CARD10: variants seen among roughly 807,000 people sequenced by gnomAD.
The protein encoded by CARD10 is caspase recruitment domain-containing protein 10.
In CARD10, 49 loss-of-function variants were observed where a neutral mutation model predicts 114.6. The observed-to-expected ratio is 0.43, with a 90% CI of 0.34 to 0.54. The LOEUF (loss-of-function observed/expected upper bound fraction) is 0.54, where lower values mean the gene tolerates loss of function less well. Among genes scored for constraint, CARD10 ranks in the 20% least tolerant of loss-of-function variants. CARD10 has a pLI of 0.03. For missense variants in CARD10, 1,206 were observed against 1,397.2 expected, an observed-to-expected ratio of 0.86 and a Z score of 2.18; for synonymous variants, 602 against 593.2, an observed-to-expected ratio of 1.01 and a Z score of -0.21.
rs942982585 is a variant in CARD10, at chr22:37,497,053, G to A, written c.1913C>T (p.Ser638Phe). 3 of 1,613,920 alleles carry A rather than the reference G, an allele frequency of 1.9e-6. No individual in the cohort carries two copies. Among genetic ancestry groups the A allele is most frequent in the African/African-American group, 2.7e-5 (2 of 74,926 alleles). Residue 638 changes from serine to phenylalanine, a missense_variant, in exon 12 of 20, where the codon TCT becomes TTT. Ser to Phe is a radical substitution (Grantham distance 155, BLOSUM62 -2). Coordinates refer to ENST00000251973, the MANE Select transcript of CARD10 (RefSeq NM_014550.4). ...WSGAVVRRVL[S>F]GPGSARMEPR... is the part of the protein sequence containing the mutation. ...TTCCATCCTGGCGGACCCAGGCCCA[G>A]ACAGCACCCTGCGCACCACAGCCCC... is the stretch of plus-strand genomic sequence containing the variant.
At position 37,492,612 on chromosome 22, in the gene CARD10, C is replaced by A. The variant is rs1218804407; in HGVS notation, c.2635+32G>T. The A allele has an allele frequency of 2.5e-6, 4 of 1,609,942 alleles. No homozygotes were observed. The South Asian group carries it at 4.4e-5, about 18-fold the overall frequency. On this transcript the variant is annotated intron_variant, in intron 17 of 19. Coordinates refer to ENST00000251973, the MANE Select transcript of CARD10 (RefSeq NM_014550.4). The surrounding 1 kb of genome is among the most constrained non-coding windows in gnomAD (Gnocchi z 5.7). ...ATGGGCCCGGCTGCCCAGAGGGGCACCCAGCCTCCCCTCCCCGGCACATAG... is the reference window on the plus strand; with the variant it reads ...ATGGGCCCGGCTGCCCAGAGGGGCAACCAGCCTCCCCTCCCCGGCACATAG...
rs9610775 is a variant in CARD10, at chr22:37,510,255, C to T, written c.866G>A (p.Arg289Gln). Residue 289 changes from arginine (R) to glutamine (Q), a missense_variant, in exon 4 of 20, where the codon CGG becomes CAG. By Grantham distance (43) the Arg-to-Gln change is conservative (BLOSUM62 1). Around this residue, in one of 2 missense-constraint regions of CARD10, gnomAD observed 1,068 missense variants for 1,179.1 expected, o/e 0.91. Coordinates refer to ENST00000251973, the MANE Select transcript of CARD10 (RefSeq NM_014550.4). ...CAACTCCCGCAGTGACGCCGTCAGC[C>T]GCTGGTTCTCAGCACGCAGCTCAGA... Reference protein sequence around the residue: ...LVSELRAENQRLTASLRELQE... With the variant: ...LVSELRAENQQLTASLRELQE... 300,599 of 1,603,122 alleles carry T rather than the reference C, an allele frequency of 0.19. 29,101 individuals carry two copies. Among genetic ancestry groups the T allele is most frequent in the African/African-American group, 0.25 (18,484 of 74,962 alleles).
rs1170397762 is a variant in CARD10 at position 37,511,445 on chromosome 22, AAGG to A, written c.700-1027_700-1025del. Among the ~76,000 whole-genome samples, 23 of 135,258 alleles carry A rather than the reference AAGG, an allele frequency of 1.7e-4. No homozygotes were observed. The South Asian group carries it at 5.7e-3, about 33-fold the overall frequency. 88.7% of individuals were successfully genotyped at this position (135,258 alleles called of 152,430 possible). ...AGGGAGGGGGAAGAGGTAGAAGGAG[AAGG>A]AGGAGGAGGAGAAGGAGAAGGAGGA... On this transcript the variant is annotated intron_variant, in intron 3 of 19. Transcript: ENST00000251973.
Position 37,497,015 on chromosome 22 carries a change from T to C in CARD10, c.1947+4A>G, listed in dbSNP as rs200385900. The C allele has an allele frequency of 8.7e-6, 14 of 1,608,072 alleles. No individual in the cohort carries two copies. The highest frequency in any genetic ancestry group is 3.3e-4 in the Middle Eastern group (2 of 6,026). On this transcript the variant is annotated splice_donor_region_variant and intron_variant, in intron 12 of 19. Transcript: ENST00000251973. ...CCCCCCCAGCTCAGGAGGCAGGGCCTCACCTCTCTTGGTTCCATCCTGGCG... is the reference window on the plus strand; with the variant it reads ...CCCCCCCAGCTCAGGAGGCAGGGCCCCACCTCTCTTGGTTCCATCCTGGCG...
rs1923265363 is a variant in CARD10, at chr22:37,502,815, G to C, written c.1664-90C>G. The C allele has an allele frequency of 2.0e-6, 3 of 1,469,804 alleles. No homozygotes were observed. In the Admixed American group the frequency reaches 6.8e-5, roughly 33 times the overall value. 91.0% of individuals were successfully genotyped at this position (1,469,804 alleles called of 1,614,324 possible). On this transcript the variant is annotated intron_variant, in intron 10 of 19. Coordinates refer to ENST00000251973, the MANE Select transcript of CARD10 (RefSeq NM_014550.4). The stretch of plus-strand genomic sequence containing the variant: ...CAGGGACTGACCCCCCTCCAGCCCA[G>C]AGAGGCCTTGGCAGGTTTGAGGCCC...
rs1402201286 is a variant in CARD10, at chr22:37,496,572, C to A, written c.1948-12G>T. 3 of 1,598,732 alleles carry A rather than the reference C, an allele frequency of 1.9e-6. No individual in the cohort carries two copies. In the African/African-American group the frequency reaches 4.0e-5, roughly 21 times the overall value. ...GCTTCCACCCTTTGCTGGGAGAAAA[C>A]CCAGGCAGGGAGGGAAAGAAGTGAG... On this transcript the variant is annotated splice_polypyrimidine_tract_variant and intron_variant, in intron 12 of 19. Coordinates refer to ENST00000251973, the MANE Select transcript of CARD10 (RefSeq NM_014550.4). The surrounding 1 kb of genome is among the most constrained non-coding windows in gnomAD (Gnocchi z 4.1).
chr22:37,493,939 C>A (rs1203796357), intron 16 of CARD10, 147 bp downstream of exon 16: 3 of 690,878 alleles, frequency 4.3e-6, no homozygotes, highest in East Asian at 5.4e-5. Context: ...GTCTCTCAGG[C>A]CCCCAGCATG....
At position 37,510,326 on chromosome 22, in the gene CARD10, CT is replaced by C; in HGVS notation, c.794del (p.Glu265GlyfsTer26). The C allele has an allele frequency of 6.2e-7, 1 of 1,610,568 alleles. No homozygotes were observed. Among genetic ancestry groups the C allele is most frequent in the Non-Finnish European group, 8.5e-7 (1 of 1,179,294 alleles). On this transcript the variant is annotated frameshift_variant, in exon 4 of 20. Coordinates refer to ENST00000251973, the MANE Select transcript of CARD10 (RefSeq NM_014550.4). LOFTEE classifies it high-confidence loss of function. ...RGPPPGAEEKEKEKEKEKEPD... is the reference protein window; with the variant it reads ...RGPPPGAEEKXKEKEKEKEPD... ...GCTCCTTCTCCTTCTCCTTCTCCTT[CT>C]CCTTCTCCTCTGCCCCAGGGGGCGG...
chr22:37,508,330 C>G (rs765465170), intron 5 of CARD10, among the ~76,000 whole-genome samples, 197 bp downstream of exon 5: 58 of 151,962 alleles, frequency 3.8e-4, no homozygotes, highest in Middle Eastern at 3.4e-3. Context: ...AGTTCCCCCT[C>G]AAGGAAAAGG....
intron 3 of CARD10, among the ~76,000 whole-genome samples, chr22:37,515,623 C>A (rs959151793): frequency 6.6e-6 from 1 of 152,026 alleles, no homozygotes; most frequent in Admixed American, 6.5e-5. Context: ...TTCTTGGCCC[C>A]GGCCCTACCG....
intron 11 of CARD10, among the ~76,000 whole-genome samples, chr22:37,498,884 C>T (rs1191010894): frequency 2.7e-5 from 3 of 110,006 alleles, no homozygotes; most frequent in Non-Finnish European, 3.4e-5. Flanking sequence ...ACACCCCTTG[C>T]CCTCTGTGGG....
rs767103135 is a variant in CARD10, at chr22:37,492,565, G to A, written c.2636-15C>T. On this transcript the variant is annotated splice_polypyrimidine_tract_variant and intron_variant, in intron 17 of 19. Transcript: ENST00000251973. This position sits in a 1 kb window ranked among gnomAD's most constrained non-coding sequence, Gnocchi z 5.7. ...AGAGAGGCTTTCTGCACAGGGAGTG[G>A]AGAGGGAGAGATGAAGGATCCATGG... 6 of 1,602,234 alleles carry A rather than the reference G, an allele frequency of 3.7e-6. No homozygotes were observed. Among genetic ancestry groups the A allele is most frequent in the Non-Finnish European group, 5.1e-6 (6 of 1,173,114 alleles).
Position 37,497,196 on chromosome 22 carries a change from A to T in CARD10, c.1788-18T>A, listed in dbSNP as rs954138271. ...CCAGAGACCTGAGAAGGGAGAAAGGAGATGAGAATTGGAGTCCAATCAGTA... is the reference window on the plus strand; with the variant it reads ...CCAGAGACCTGAGAAGGGAGAAAGGTGATGAGAATTGGAGTCCAATCAGTA... On this transcript the variant is annotated intron_variant, in intron 11 of 19. Transcript: ENST00000251973. 5 of 1,603,662 alleles carry T rather than the reference A, an allele frequency of 3.1e-6. No individual in the cohort carries two copies. In the African/African-American group the frequency reaches 6.7e-5, roughly 22 times the overall value.
intron 6 of CARD10, 25 bp from the exon 7 acceptor site, chr22:37,506,408 CA>C: frequency 6.6e-7 from 1 of 1,515,294 alleles, no homozygotes; most frequent in South Asian, 1.3e-5. Context: ...GGGGAGGCAG[CA>C]GCTGAAGGAG....
At position 37,495,848 on chromosome 22, in the gene CARD10, A is replaced by G. The variant is rs1291385236; in HGVS notation, c.2215T>C (p.Tyr739His). The part of the protein sequence containing the change: ...QEILRLVDSA[Y>H]KRRQEWFCTR... Reference sequence around the variant, plus strand: ...CAGAACCATTCCTGCCTCCGCTTGTATGCCGAGTCCACCAGTCGAAGGATC... The same window carrying G: ...CAGAACCATTCCTGCCTCCGCTTGTGTGCCGAGTCCACCAGTCGAAGGATC... The change falls in exon 14 of 20, where the codon TAC (tyrosine) becomes CAC (histidine). Residue 739 changes from tyrosine to histidine, a missense_variant. Physicochemically the swap from Tyr to His is moderately conservative, Grantham distance 83 (BLOSUM62 2). Transcript: ENST00000251973. 6.2e-7 allele frequency: 1 copy of G among 1,614,120 alleles called. No individual in the cohort carries two copies. The highest frequency in any genetic ancestry group is 8.5e-7 in the Non-Finnish European group (1 of 1,180,036).
At chr22:37,491,564 ACGGGGGAGG>A (rs1922780574) in intron 19 of CARD10, among the ~76,000 whole-genome samples, 171 bp from the exon 20 acceptor site, 2 of 1,558 alleles carry the variant, frequency 1.3e-3, no homozygotes, top group Non-Finnish European at 2.1e-3. Flanking sequence ...GGAGGGAGAG[ACGGGGGAGG>A]GAGGGGGGAG....
intron 10 of CARD10, 23 bp from the exon 11 acceptor site, chr22:37,502,748 AGG>A (rs1569164416): frequency 6.2e-6 from 10 of 1,609,118 alleles, no homozygotes; most frequent in Middle Eastern, 3.7e-4. Context: ...AATGAGGTTC[AGG>A]GATCTGGCAC....
At chr22:37,506,530 G>T (rs1923415504) in intron 6 of CARD10, 147 bp from the exon 7 acceptor site, 2 of 512,286 alleles carry the variant, frequency 3.9e-6, no homozygotes, top group Non-Finnish European at 6.8e-6. Flanking sequence ...TAAATTATCA[G>T]CTCATTTAAA....
In CARD10 at chr22:37,501,557, C is replaced by T. The variant is rs1052549263; in HGVS notation, c.1787+1045G>A. Among the ~76,000 whole-genome samples the T allele has an allele frequency of 1.6e-4, 25 of 152,208 alleles. No homozygotes were observed. The highest frequency in any genetic ancestry group is 5.8e-4 in the African/African-American group (24 of 41,460). ...GGTCCTATGCTGTACCCATCTGCTG[C>T]GTGACCCATCCCTCTGCACCCAACA... is the stretch of plus-strand genomic sequence containing the variant. On this transcript the variant is annotated intron_variant, in intron 11 of 19. Transcript: ENST00000251973. The surrounding 1 kb of genome is among the most constrained non-coding windows in gnomAD (Gnocchi z 5.4).
Sources: gnomAD v4.1 joint callset for allele counts (sites outside exome capture counted in the v4.1 genomes callset) on GRCh38, gnomAD v4.1.1 for gene constraint, gnomAD v4.1.1 regional missense constraint, Gnocchi (gnomAD v3.1) non-coding constraint, MANE v1.5 for transcripts, NCBI Gene and HGNC (gene_info 2026-07-23, HGNC 2026-07-21) for gene names.